The following TMED3 variants were observed in gnomAD, a reference collection of about 807,000 sequenced individuals.
TMED3 encodes transmembrane p24 trafficking protein 3.
A neutral mutation model predicts 15.0 loss-of-function variants in TMED3; 9 were observed. The ratio of observed to expected loss-of-function variants is 0.60; its 90% CI spans 0.36 to 1.04. TMED3 has a LOEUF of 1.04. Among genes scored for constraint, TMED3 ranks in the 50% least tolerant of loss-of-function variants. The probability of loss-of-function intolerance (pLI) is 0.01; values close to 1 mark genes in which losing one functional copy is unlikely to be tolerated. For synonymous variants in TMED3, 117 were observed against 121.4 expected (o/e 0.96, Z 0.24); for missense variants, 267 against 278.9 (o/e 0.96, Z 0.30).
At position 79,311,208 on chromosome 15, in the gene TMED3, C is replaced by T. The variant is rs1056222265; in HGVS notation, c.-42C>T. ...TCGTCGCCCCAGCCCGCCGGGGGCG[C>T]AGCGCCCGAGCCGCGGCCCTCGAGA... On this transcript the variant is annotated 5_prime_UTR_variant, in exon 1 of 3. Coordinates refer to ENST00000299705, the MANE Select transcript of TMED3 (RefSeq NM_007364.4). 9 of 1,551,996 alleles carry T rather than the reference C, an allele frequency of 5.8e-6. No individual in the cohort carries two copies. In the African/African-American group the frequency reaches 1.1e-4, roughly 19 times the overall value.
intron 2 of TMED3, among the ~76,000 whole-genome samples, chr15:79,380,304 T>G (rs1893499690): frequency 6.6e-6 from 1 of 151,488 alleles, no homozygotes; most frequent in Admixed American, 6.6e-5. Flanking sequence ...GAGCCTAGAT[T>G]GTGCCATTGT....
At chr15:79,355,867 G>A (rs2058916923) in intron 2 of TMED3, among the ~76,000 whole-genome samples, 1 of 152,186 alleles carries the variant, frequency 6.6e-6, no homozygotes, top group Non-Finnish European at 1.5e-5. Context: ...CCACATTACA[G>A]CTAGTTTTTA....
rs992491881 is a variant in TMED3, at chr15:79,322,165, A to G, written c.605A>G (p.Lys202Arg). Reference protein sequence around the residue: ...VVSFSQVLLLKSFFTEKRPIS... With the variant: ...VVSFSQVLLLRSFFTEKRPIS... ...AGCTTCAGTCAGGTGCTACTGTTGA[A>G]AAGCTTCTTCACAGAAAAACGACCC... The change falls in exon 3 of 3, where the codon AAA becomes AGA. Residue 202 changes from lysine (K) to arginine (R), a missense_variant. This residue lies in a region of TMED3 where 139 missense variants were observed against 125.0 expected (regional missense o/e 1.11). Coordinates refer to ENST00000299705, the MANE Select transcript of TMED3 (RefSeq NM_007364.4). 3 of 1,614,076 alleles carry G rather than the reference A, an allele frequency of 1.9e-6. No individual in the cohort carries two copies. In the African/African-American group the frequency reaches 4.0e-5, roughly 22 times the overall value.
intron 2 of TMED3, among the ~76,000 whole-genome samples, chr15:79,352,806 G>C (rs1236374543): frequency 7.7e-6 from 1 of 130,588 alleles, no homozygotes; most frequent in Non-Finnish European, 1.6e-5. Context: ...CACAAATAAA[G>C]ATAATTTTGT....
intron 2 of TMED3, among the ~76,000 whole-genome samples, chr15:79,396,551 T>C (rs559051627): frequency 1.3e-5 from 2 of 152,352 alleles, no homozygotes; most frequent in African/African-American, 4.8e-5. Flanking sequence ...AGTTGGACTT[T>C]TTCCATCTTC....
chr15:79,390,730 T>A (rs559027584), intron 2 of TMED3, among the ~76,000 whole-genome samples: 52 of 151,896 alleles, frequency 3.4e-4, no homozygotes, highest in South Asian at 8.3e-4. Flanking sequence ...ACTTTTTTTT[T>A]AATTTTTAAG....
At chr15:79,374,499 T>A (rs1893393730) in intron 2 of TMED3, among the ~76,000 whole-genome samples, 1 of 152,232 alleles carries the variant, frequency 6.6e-6, no homozygotes, top group Non-Finnish European at 1.5e-5. Flanking sequence ...TGAGACCTTT[T>A]CTGCCTGAGG....
chr15:79,343,694 G>T (rs1311380511), intron 2 of TMED3, among the ~76,000 whole-genome samples: 1 of 152,136 alleles, frequency 6.6e-6, no homozygotes, highest in Non-Finnish European at 1.5e-5. Flanking sequence ...CATGACAATG[G>T]ATTCAACCAA....
chr15:79,336,922 A>G (rs1359626794), intron 2 of TMED3, among the ~76,000 whole-genome samples: 2 of 152,246 alleles, frequency 1.3e-5, no homozygotes, highest in African/African-American at 4.8e-5. Context: ...AGTTATAATA[A>G]TAACAGACAA....
chr15:79,364,230 G>T (rs1245586825), intron 2 of TMED3, among the ~76,000 whole-genome samples: 2 of 152,152 alleles, frequency 1.3e-5, no homozygotes, highest in African/African-American at 2.4e-5. Context: ...ACGAATTCCT[G>T]GTGGCTCCAC....
chr15:79,327,195 CAAACATCCA>C (rs2058790473), downstream of TMED3, among the ~76,000 whole-genome samples: 1 of 152,160 alleles, frequency 6.6e-6, no homozygotes, highest in African/African-American at 2.4e-5. Context: ...GTTGGCAGGA[CAAACATCCA>C]AACTATAGTG....
rs201223271 is a variant in TMED3 at position 79,322,172 on chromosome 15, C to T, written c.612C>T (p.Phe204=). The change falls in exon 3 of 3, where the codon TTC becomes TTT. Residue 204 remains phenylalanine (F), a synonymous_variant. Coordinates refer to ENST00000299705, the MANE Select transcript of TMED3 (RefSeq NM_007364.4). Reference sequence around the variant, plus strand: ...GTCAGGTGCTACTGTTGAAAAGCTTCTTCACAGAAAAACGACCCATCAGCA... The same window carrying T: ...GTCAGGTGCTACTGTTGAAAAGCTTTTTCACAGAAAAACGACCCATCAGCA... The part of the protein sequence containing the change: ...SFSQVLLLKS[F]FTEKRPISRA... 1.5e-4 allele frequency: 241 copies of T among 1,614,208 alleles called. 3 individuals carry two copies. In the Admixed American group the frequency reaches 3.9e-3, roughly 26 times the overall value.
chr15:79,339,187 C>T (rs775644780), intron 2 of TMED3, among the ~76,000 whole-genome samples: 1 of 152,236 alleles, frequency 6.6e-6, no homozygotes, highest in Non-Finnish European at 1.5e-5. Flanking sequence ...TCTGCCTCAG[C>T]TGCCAGGCAG....
chr15:79,372,555 A>G (rs1893359303), intron 2 of TMED3, among the ~76,000 whole-genome samples: 1 of 152,226 alleles, frequency 6.6e-6, no homozygotes, highest in South Asian at 2.1e-4. Flanking sequence ...AGGAAGAACA[A>G]AGGCACATCT....
chr15:79,377,663 T>A (rs1893452152), intron 2 of TMED3, among the ~76,000 whole-genome samples: 1 of 148,570 alleles, frequency 6.7e-6, no homozygotes, highest in African/African-American at 2.6e-5. Context: ...TTTTTTTTTT[T>A]TTGAGACGGA....
At chr15:79,389,755 C>T (rs1282016534) in intron 2 of TMED3, among the ~76,000 whole-genome samples, 2 of 152,074 alleles carry the variant, frequency 1.3e-5, no homozygotes, top group Non-Finnish European at 2.9e-5. Context: ...TTGATGTCAT[C>T]TGTGGTGTCT....
intron 2 of TMED3, among the ~76,000 whole-genome samples, chr15:79,362,301 A>AT (rs1372493318): frequency 1.2e-5 from 1 of 80,364 alleles, no homozygotes; most frequent in Non-Finnish European, 3.0e-5. Context: ...TCTTGCCTCT[A>AT]TAAAAAAAAA....
At chr15:79,378,453 G>A (rs56736829) in intron 2 of TMED3, among the ~76,000 whole-genome samples, 5,035 of 152,212 alleles carry the variant, frequency 0.033, 269 homozygotes, top group African/African-American at 0.11. Context: ...ATCCTTGAGC[G>A]CCTTGTCATC....
chr15:79,398,918 G>A (rs1008961583), intron 2 of TMED3, among the ~76,000 whole-genome samples: 1 of 152,080 alleles, frequency 6.6e-6, no homozygotes, highest in African/African-American at 2.4e-5. Context: ...TTGTTTGTTT[G>A]TTTGTTTTTT....
Sources: gnomAD v4.1 joint callset for allele counts (sites outside exome capture counted in the v4.1 genomes callset) on GRCh38, gnomAD v4.1.1 for gene constraint, gnomAD v4.1.1 regional missense constraint, MANE v1.5 for transcripts, NCBI Gene and HGNC (gene_info 2026-07-23, HGNC 2026-07-21) for gene names.